Variants in MAST4 observed in about 807,000 individuals in gnomAD.
MAST4 encodes microtubule associated serine/threonine kinase family member 4.
MAST4 carries 89 observed loss-of-function variants against 162.7 expected under a neutral mutation model. The ratio of observed to expected loss-of-function variants is 0.55; its 90% confidence interval spans 0.46 to 0.65. The LOEUF is 0.65. MAST4 is among the 30% of genes least tolerant of loss of function. The probability of loss-of-function intolerance (pLI) is 0.00; values close to 1 mark genes in which losing one functional copy is unlikely to be tolerated. For missense variants in MAST4, 3,153 were observed against 3,374.0 expected, an observed-to-expected ratio of 0.93 and a Z score of 1.62; for synonymous variants, 1,479 against 1,361.1, an observed-to-expected ratio of 1.09 and a Z score of -1.91.
At chr5:66,771,891 T>G (rs1754375547) in intron 2 of MAST4, among the ~76,000 whole-genome samples, 1 of 152,138 alleles carries the variant, frequency 6.6e-6, no homozygotes, top group Admixed American at 6.5e-5. Context: ...TCTGACAGGA[T>G]AGACTGTGGC....
Position 66,867,645 on chromosome 5 carries a change from T to C in MAST4, c.643-32306T>C, listed in dbSNP as rs2149860149. On this transcript the variant is annotated intron_variant, in intron 3 of 28. Coordinates refer to ENST00000403625, the MANE Select transcript of MAST4 (RefSeq NM_001164664.2). ...TGAGAGTTGCTTCTTTTATTAATGA[T>C]AGTTATCCCAGCAAAATGATTTTGG... 1.3e-5 allele frequency among the ~76,000 whole-genome samples: 2 copies of C among 152,336 alleles called. 1 individual carries two copies. The highest frequency in any genetic ancestry group is 2.9e-5 in the Non-Finnish European group (2 of 68,026).
At chr5:67,151,617 A>G (rs993703648) in intron 24 of MAST4, among the ~76,000 whole-genome samples, 2 of 152,226 alleles carry the variant, frequency 1.3e-5, no homozygotes, top group Non-Finnish European at 2.9e-5. Context: ...TCTCACCTGC[A>G]TTAGCCTCTC....
At chr5:67,049,008 C>CACACATATATATACAT (rs1362965159) in intron 4 of MAST4, among the ~76,000 whole-genome samples, 1 of 104,524 alleles carries the variant, frequency 9.6e-6, no homozygotes, top group Admixed American at 9.9e-5. Flanking sequence ...TATACACACA[C>CACACATATATATACAT]ATATATATAT....
At chr5:67,102,450 T>A (rs1765131430) in intron 8 of MAST4, 86 bp from the exon 9 acceptor site, 1 of 1,217,194 alleles carries the variant, frequency 8.2e-7, no homozygotes, top group South Asian at 1.2e-5. Flanking sequence ...ATAGTACTTT[T>A]GATGCAACTG....
At chr5:67,016,009 G>A (rs1331182511) in intron 4 of MAST4, among the ~76,000 whole-genome samples, 2 of 152,108 alleles carry the variant, frequency 1.3e-5, no homozygotes, top group Non-Finnish European at 2.9e-5. Flanking sequence ...CCAGGGCTAT[G>A]ATTATCACCT....
At chr5:66,621,396 C>A (rs180771542) in intron 1 of MAST4, among the ~76,000 whole-genome samples, 48 of 152,284 alleles carry the variant, frequency 3.2e-4, no homozygotes, top group African/African-American at 1.1e-3. Context: ...GTTTGGATAG[C>A]ATGTCTAAGA....
intron 1 of MAST4, among the ~76,000 whole-genome samples, chr5:66,685,322 C>CCACACA (rs1395011078): frequency 6.2e-5 from 9 of 144,884 alleles, no homozygotes; most frequent in Non-Finnish European, 1.2e-4. Flanking sequence ...ACCCCAAAAA[C>CCACACA]CCCCAAAAAC....
chr5:66,863,903 C>T (rs67355492), intron 3 of MAST4, among the ~76,000 whole-genome samples: 26,018 of 152,108 alleles, frequency 0.17, 3,471 homozygotes, highest in East Asian at 0.35. Context: ...AAGAGCCCTA[C>T]TCCTTTGTAA....
At chr5:67,029,970 CTAAAT>C (rs933919195) in intron 4 of MAST4, among the ~76,000 whole-genome samples, 3 of 151,984 alleles carry the variant, frequency 2.0e-5, no homozygotes, top group African/African-American at 2.4e-5. Context: ...TTGAATTTCT[CTAAAT>C]TATATACTTA....
At chr5:66,694,443 C>T (rs1029444299) in intron 1 of MAST4, among the ~76,000 whole-genome samples, 2 of 152,068 alleles carry the variant, frequency 1.3e-5, no homozygotes, top group African/African-American at 4.8e-5. Flanking sequence ...AATTTGCACT[C>T]CTCTAATGAT....
At chr5:67,094,303 T>A (rs1764190651) in intron 6 of MAST4, 1 of 464,616 alleles carries the variant, frequency 2.2e-6, no homozygotes, top group East Asian at 3.4e-5. Flanking sequence ...TTCCTACGAA[T>A]ATAAATTTAG....
At chr5:67,078,848 TTA>T (rs552369051) in intron 5 of MAST4, among the ~76,000 whole-genome samples, 1 of 111,154 alleles carries the variant, frequency 9.0e-6, no homozygotes, top group Non-Finnish European at 1.7e-5. Flanking sequence ...TTAAATATAT[TTA>T]TATATTTATA....
At chr5:66,713,632 TA>T (rs1373393574) in intron 1 of MAST4, among the ~76,000 whole-genome samples, 1 of 152,252 alleles carries the variant, frequency 6.6e-6, no homozygotes, top group African/African-American at 2.4e-5. Context: ...TATAACTTTT[TA>T]AAAAGGTTTT....
intron 3 of MAST4, among the ~76,000 whole-genome samples, chr5:66,799,648 A>G (rs988997351): frequency 3.9e-5 from 6 of 152,212 alleles, no homozygotes; most frequent in Non-Finnish European, 8.8e-5. Flanking sequence ...GATGGAACAG[A>G]TAGACCTTGG....
intron 1 of MAST4, among the ~76,000 whole-genome samples, chr5:66,721,889 G>A (rs552354034): frequency 1.3e-5 from 2 of 151,904 alleles, no homozygotes; most frequent in East Asian, 1.9e-4. Flanking sequence ...TTTATACTCC[G>A]TATCTAGGCT....
chr5:66,751,190 T>C (rs993493220), intron 1 of MAST4, among the ~76,000 whole-genome samples: 1 of 151,658 alleles, frequency 6.6e-6, no homozygotes, highest in African/African-American at 2.4e-5. Flanking sequence ...ACCACAAAGA[T>C]GGGGAAAAAA....
intron 3 of MAST4, among the ~76,000 whole-genome samples, chr5:66,838,606 T>C (rs1323802157): frequency 6.6e-6 from 1 of 152,140 alleles, no homozygotes; most frequent in African/African-American, 2.4e-5. Context: ...TCAGTCAAGA[T>C]ACAGGGGCCT....
intron 5 of MAST4, among the ~76,000 whole-genome samples, chr5:67,085,706 GT>G (rs1256329214): frequency 6.6e-6 from 1 of 152,136 alleles, no homozygotes; most frequent in Non-Finnish European, 1.5e-5. Context: ...GCCAATCAAG[GT>G]TTTTTTCTTG....
intron 4 of MAST4, among the ~76,000 whole-genome samples, chr5:66,919,588 G>A (rs1764348822): frequency 6.7e-6 from 1 of 149,000 alleles, no homozygotes; most frequent in Non-Finnish European, 1.5e-5. Flanking sequence ...TTGAACCCAC[G>A]AGGCAGAGGT....
Sources: gnomAD v4.1 joint callset for allele counts (sites outside exome capture counted in the v4.1 genomes callset) on GRCh38, gnomAD v4.1.1 for gene constraint, MANE v1.5 for transcripts, NCBI Gene and HGNC (gene_info 2026-07-23, HGNC 2026-07-21) for gene names.